The following SNTG2 variants were observed in gnomAD, a reference collection of about 807,000 sequenced individuals.
The protein encoded by SNTG2 is syntrophin gamma 2.
SNTG2 carries 74 observed loss-of-function variants against 70.9 expected under a neutral mutation model. That is an observed-to-expected ratio of 1.04 (90% CI 0.86 to 1.27). SNTG2 has a LOEUF of 1.27. SNTG2 is among the 50% of genes most tolerant of loss of function. SNTG2 has a pLI of 0.00. For synonymous variants in SNTG2, 278 were observed against 273.8 expected (o/e 1.02, Z -0.15); for missense variants, 717 against 690.7 (o/e 1.04, Z -0.43).
chr2:1,095,909 TG>T (rs1194874792), intron 2 of SNTG2, among the ~76,000 whole-genome samples: 1 of 152,234 alleles, frequency 6.6e-6, no homozygotes, highest in East Asian at 1.9e-4. Flanking sequence ...GGCTGTTTGC[TG>T]TGGCACACAG....
At chr2:1,189,914 G>A (rs564303051) in intron 8 of SNTG2, among the ~76,000 whole-genome samples, 53 of 152,000 alleles carry the variant, frequency 3.5e-4, no homozygotes, top group Middle Eastern at 3.4e-3. Context: ...GGAAAAATAA[G>A]GAAGCTTAGA....
At chr2:1,292,333 A>C (rs1322938974) in intron 14 of SNTG2, among the ~76,000 whole-genome samples, 2 of 151,886 alleles carry the variant, frequency 1.3e-5, no homozygotes, top group African/African-American at 4.8e-5. Context: ...TATTTGGTTG[A>C]CTTGTTTGTT....
At chr2:1,065,577 TTAAA>T (rs1413773913) in intron 1 of SNTG2, among the ~76,000 whole-genome samples, 9 of 152,234 alleles carry the variant, frequency 5.9e-5, no homozygotes, top group East Asian at 1.9e-4. Flanking sequence ...TGTTTACAGT[TTAAA>T]TATTCAAATT....
At chr2:1,225,429 G>A (rs1219386678) in intron 9 of SNTG2, among the ~76,000 whole-genome samples, 2 of 152,174 alleles carry the variant, frequency 1.3e-5, no homozygotes, top group Non-Finnish European at 2.9e-5. Flanking sequence ...TTTTGTGAAA[G>A]GAGCCTAAGA....
chr2:954,197 C>A (rs1010675820), intron 1 of SNTG2, among the ~76,000 whole-genome samples: 3 of 151,844 alleles, frequency 2.0e-5, no homozygotes, highest in Non-Finnish European at 4.4e-5. Context: ...GGCAGGTGCT[C>A]GTGGAAATGG....
intron 8 of SNTG2, among the ~76,000 whole-genome samples, chr2:1,203,389 G>A (rs1673399607): frequency 6.6e-6 from 1 of 151,984 alleles, no homozygotes; most frequent in South Asian, 2.1e-4. Flanking sequence ...CGGGCACAGT[G>A]GCTCACACTT....
chr2:1,073,493 C>T (rs1663711343), intron 1 of SNTG2, among the ~76,000 whole-genome samples: 1 of 152,162 alleles, frequency 6.6e-6, no homozygotes, highest in African/African-American at 2.4e-5. Context: ...TAATGCTATT[C>T]CACACTTAAT....
chr2:1,200,038 C>A (rs949095923), intron 8 of SNTG2, among the ~76,000 whole-genome samples: 2 of 151,694 alleles, frequency 1.3e-5, no homozygotes, highest in African/African-American at 4.8e-5. Flanking sequence ...TATGGAACCA[C>A]AAGAGAGCAT....
Position 1,040,201 on chromosome 2 carries a change from G to T in SNTG2, c.73-43317G>T, listed in dbSNP as rs1191271553. On this transcript the variant is annotated intron_variant, in intron 1 of 16. Coordinates refer to ENST00000308624, the MANE Select transcript of SNTG2 (RefSeq NM_018968.4). ...ACTTGCCTGTCCCATAGAATCACCT[G>T]CAGGCAGGATAAATTCCTGCACCCC... is the stretch of plus-strand genomic sequence containing the variant. 7.2e-5 allele frequency among the ~76,000 whole-genome samples: 11 copies of T among 152,070 alleles called. 1 individual carries two copies.
chr2:1,168,397 C>T (rs973151383), intron 7 of SNTG2, among the ~76,000 whole-genome samples: 3 of 152,244 alleles, frequency 2.0e-5, no homozygotes, highest in Non-Finnish European at 4.4e-5. Context: ...AAACATCCAC[C>T]CCTAGATGCT....
intron 2 of SNTG2, among the ~76,000 whole-genome samples, chr2:1,086,037 C>T (rs1342352766): frequency 2.0e-5 from 3 of 152,130 alleles, no homozygotes; most frequent in South Asian, 2.1e-4. Context: ...AGAAGGTATG[C>T]GTCTAATATT....
At chr2:1,195,226 C>A (rs1672836157) in intron 8 of SNTG2, among the ~76,000 whole-genome samples, 1 of 152,108 alleles carries the variant, frequency 6.6e-6, no homozygotes, top group Non-Finnish European at 1.5e-5. Context: ...TATTTATAAT[C>A]CTTTGTGTAT....
At chr2:1,073,943 G>A (rs1663746937) in intron 1 of SNTG2, among the ~76,000 whole-genome samples, 1 of 152,124 alleles carries the variant, frequency 6.6e-6, no homozygotes, top group Non-Finnish European at 1.5e-5. Context: ...AATTTTTAAT[G>A]GTGTCTATAA....
chr2:1,044,928 A>G (rs1330991595), intron 1 of SNTG2, among the ~76,000 whole-genome samples: 3 of 151,902 alleles, frequency 2.0e-5, no homozygotes, highest in African/African-American at 4.8e-5. Context: ...CTCTGCCTCA[A>G]TTTTTTTGGA....
intron 14 of SNTG2, among the ~76,000 whole-genome samples, chr2:1,288,554 C>T (rs1572926346): frequency 6.6e-6 from 1 of 152,252 alleles, no homozygotes; most frequent in Non-Finnish European, 1.5e-5. Flanking sequence ...CATGCATTCA[C>T]GTGCACACAG....
intron 1 of SNTG2, among the ~76,000 whole-genome samples, chr2:1,031,528 A>ATATATATATTTTTTTTTTTTTTTTTT: frequency 1.7e-5 from 1 of 59,118 alleles, no homozygotes; most frequent in Non-Finnish European, 3.1e-5. Context: ...ATATATATAT[A>ATATATATATTTTTTTTTTTTTTTTTT]TTTTTTTTTT....
At chr2:1,137,066 T>C (rs1243784530) in intron 4 of SNTG2, among the ~76,000 whole-genome samples, 1 of 152,220 alleles carries the variant, frequency 6.6e-6, no homozygotes, top group East Asian at 1.9e-4. Flanking sequence ...AAGTCTTCTG[T>C]GACTGGAAGG....
At chr2:1,179,848 G>C (rs1671741493) in intron 8 of SNTG2, among the ~76,000 whole-genome samples, 1 of 143,452 alleles carries the variant, frequency 7.0e-6, no homozygotes, top group African/African-American at 2.5e-5. Context: ...AAAACAGCAT[G>C]GTACTGGTAC....
intron 1 of SNTG2, among the ~76,000 whole-genome samples, chr2:958,130 C>T (rs898408091): frequency 6.6e-6 from 1 of 152,060 alleles, no homozygotes; most frequent in Non-Finnish European, 1.5e-5. Flanking sequence ...ACTGTAGAGA[C>T]GGCAGGTGAG....
Sources: gnomAD v4.1 joint callset for allele counts (sites outside exome capture counted in the v4.1 genomes callset) on GRCh38, gnomAD v4.1.1 for gene constraint, MANE v1.5 for transcripts, NCBI Gene and HGNC (gene_info 2026-07-23, HGNC 2026-07-21) for gene names.